PRELID2: variants seen among roughly 807,000 people sequenced by gnomAD.
The protein encoded by PRELID2 is PRELI domain-containing protein 2.
A neutral mutation model predicts 28.4 loss-of-function variants in PRELID2; 25 were observed. The observed-to-expected ratio is 0.88, with a 90% confidence interval of 0.64 to 1.23. PRELID2 has a LOEUF of 1.23. Ranked by LOEUF, PRELID2 falls within the 50% of genes most tolerant of loss-of-function variation. PRELID2 has a pLI of 0.00. For missense variants in PRELID2, 201 were observed against 214.4 expected, an observed-to-expected ratio of 0.94 and a Z score of 0.39; for synonymous variants, 76 against 71.6, an observed-to-expected ratio of 1.06 and a Z score of -0.31.
chr5:145,527,068 T>C (rs924395149), intron 1 of PRELID2, among the ~76,000 whole-genome samples: 3 of 152,164 alleles, frequency 2.0e-5, no homozygotes, highest in South Asian at 2.1e-4. Flanking sequence ...CAAACAATGA[T>C]GGAATAACAT....
At chr5:145,813,241 T>C (rs1444325124) in intron 4 of PRELID2, among the ~76,000 whole-genome samples, 2 of 152,204 alleles carry the variant, frequency 1.3e-5, no homozygotes, top group South Asian at 2.1e-4. Context: ...GGCTAGCCAT[T>C]ACTCTCAGAT....
At chr5:145,280,461 G>T in the PRELID2 span, among the ~76,000 whole-genome samples, 1 of 152,050 alleles carries the variant, frequency 6.6e-6, no homozygotes. Flanking sequence ...AACTCTGTAT[G>T]ACAGTTTATT....
chr5:145,606,709 T>C (rs1753509472), intron 1 of PRELID2, among the ~76,000 whole-genome samples: 1 of 152,166 alleles, frequency 6.6e-6, no homozygotes, highest in Non-Finnish European at 1.5e-5. Flanking sequence ...TCATCAAGGA[T>C]ATTGGCCTGA....
At chr5:145,254,916 TAAA>T in the PRELID2 span, among the ~76,000 whole-genome samples, 9 of 138,870 alleles carry the variant, frequency 6.5e-5, no homozygotes, top group African/African-American at 1.6e-4. Context: ...AACTCTGAAT[TAAA>T]AAAAAAAAAA....
the PRELID2 span, among the ~76,000 whole-genome samples, chr5:145,399,417 A>G: frequency 5.3e-5 from 8 of 152,208 alleles, no homozygotes; most frequent in African/African-American, 1.4e-4. Flanking sequence ...TCCTGCTAAA[A>G]CAATACCAGA....
the PRELID2 span, among the ~76,000 whole-genome samples, chr5:145,360,576 A>G: frequency 6.6e-6 from 1 of 152,214 alleles, no homozygotes; most frequent in Non-Finnish European, 1.5e-5. Context: ...TTCAGTGTCC[A>G]TTCTATAAAA....
chr5:145,254,322 G>T, the PRELID2 span, among the ~76,000 whole-genome samples: 5 of 151,658 alleles, frequency 3.3e-5, no homozygotes, highest in Non-Finnish European at 5.9e-5. Context: ...TCTGTTTTTC[G>T]AATTATTATT....
intron 1 of PRELID2, among the ~76,000 whole-genome samples, chr5:145,715,412 C>T (rs1755815209): frequency 6.6e-6 from 1 of 152,102 alleles, no homozygotes; most frequent in Non-Finnish European, 1.5e-5. Flanking sequence ...TAGACCATTG[C>T]TATACTTTCT....
chr5:145,285,473 G>T, the PRELID2 span, among the ~76,000 whole-genome samples: 5 of 152,070 alleles, frequency 3.3e-5, no homozygotes, highest in African/African-American at 1.2e-4. Context: ...GTCAAAACTG[G>T]CAATCAGTAG....
chr5:145,673,329 G>A (rs1003422971), intron 1 of PRELID2, among the ~76,000 whole-genome samples: 9 of 152,086 alleles, frequency 5.9e-5, no homozygotes, highest in Non-Finnish European at 1.3e-4. Context: ...GGAGGGAAGG[G>A]AAAGAAGGGA....
chr5:145,567,335 G>C (rs1228675760), intron 1 of PRELID2, among the ~76,000 whole-genome samples: 1 of 149,728 alleles, frequency 6.7e-6, no homozygotes, highest in Non-Finnish European at 1.5e-5. Flanking sequence ...GAGTTATCAT[G>C]AGATCTGATG....
chr5:145,743,544 A>G (rs1756899522), intron 1 of PRELID2, among the ~76,000 whole-genome samples: 1 of 152,034 alleles, frequency 6.6e-6, no homozygotes, highest in African/African-American at 2.4e-5. Context: ...GGATCCATGG[A>G]GAGCAAGGAA....
chr5:145,399,881 G>A, the PRELID2 span, among the ~76,000 whole-genome samples: 12 of 152,088 alleles, frequency 7.9e-5, no homozygotes, highest in African/African-American at 2.7e-4. Flanking sequence ...TAGAACCAAC[G>A]TACCTCATGA....
At chr5:145,800,688 T>C (rs1455628650) in intron 4 of PRELID2, among the ~76,000 whole-genome samples, 1 of 152,146 alleles carries the variant, frequency 6.6e-6, no homozygotes, top group Non-Finnish European at 1.5e-5. Context: ...TTGGGTTTTG[T>C]CCACATATCA....
At chr5:145,585,529 T>C (rs1415997533) in intron 1 of PRELID2, among the ~76,000 whole-genome samples, 1 of 152,176 alleles carries the variant, frequency 6.6e-6, no homozygotes, top group Non-Finnish European at 1.5e-5. Context: ...TAAGGTAATC[T>C]ATGTAATGAT....
the PRELID2 span, among the ~76,000 whole-genome samples, chr5:145,252,722 A>G: frequency 6.6e-6 from 1 of 152,002 alleles, no homozygotes; most frequent in South Asian, 2.1e-4. Flanking sequence ...ATTGGGAGTT[A>G]TTGTTTAAAA....
chr5:145,742,096 A>G (rs1221926557), intron 1 of PRELID2, among the ~76,000 whole-genome samples: 2 of 128,788 alleles, frequency 1.6e-5, no homozygotes, highest in South Asian at 2.2e-4. Flanking sequence ...ATTTATAATT[A>G]CATATAATTA....
At chr5:145,530,111 C>T (rs1306533785) in intron 1 of PRELID2, among the ~76,000 whole-genome samples, 3 of 152,026 alleles carry the variant, frequency 2.0e-5, no homozygotes, top group African/African-American at 2.4e-5. Context: ...GTGAGAAAGC[C>T]GGGGCTTGCC....
intron 1 of PRELID2, among the ~76,000 whole-genome samples, chr5:145,618,755 T>C (rs531436478): frequency 6.6e-6 from 1 of 152,222 alleles, no homozygotes; most frequent in South Asian, 2.1e-4. Flanking sequence ...CAAGTATATA[T>C]GCCCTTTGTG....
Sources: allele counts gnomAD v4.1 joint callset (sites outside exome capture counted in the v4.1 genomes callset), GRCh38; gene constraint gnomAD v4.1.1; transcripts MANE v1.5; gene names NCBI Gene and HGNC (gene_info 2026-07-23, HGNC 2026-07-21).